The following SLC35F1 variants were observed in gnomAD, a reference collection of about 807,000 sequenced individuals.
SLC35F1 encodes the protein solute carrier family 35 member F1, also known as chromosome 6 open reading frame 169.
SLC35F1 carries 14 observed loss-of-function variants against 48.7 expected under a neutral mutation model. The observed-to-expected ratio is 0.29, with a 90% CI of 0.19 to 0.45. The LOEUF is 0.45. Among genes scored for constraint, SLC35F1 ranks in the 20% least tolerant of loss-of-function variants. The pLI, the probability that SLC35F1 is intolerant of heterozygous loss-of-function variation, is 1.00. For missense variants in SLC35F1, 404 were observed against 500.0 expected (o/e 0.81, Z 1.83); for synonymous variants, 190 against 202.2 (o/e 0.94, Z 0.51).
intron 1 of SLC35F1, among the ~76,000 whole-genome samples, chr6:117,980,311 G>A (rs1776760453): frequency 6.6e-6 from 1 of 152,078 alleles, no homozygotes; most frequent in Non-Finnish European, 1.5e-5. Flanking sequence ...GTAAGGGGTG[G>A]CAGGAGGTAC....
chr6:118,245,001 G>A (rs1177242372), intron 3 of SLC35F1, among the ~76,000 whole-genome samples: 1 of 152,098 alleles, frequency 6.6e-6, no homozygotes, highest in Non-Finnish European at 1.5e-5. Context: ...ACACAGGTAT[G>A]GAACACTAAA....
At chr6:118,030,409 C>A (rs1490561491) in intron 1 of SLC35F1, among the ~76,000 whole-genome samples, 1 of 152,192 alleles carries the variant, frequency 6.6e-6, no homozygotes, top group East Asian at 1.9e-4. Context: ...TGGCCAATCA[C>A]TCATAGACAC....
intron 7 of SLC35F1, among the ~76,000 whole-genome samples, chr6:118,291,962 A>G (rs1342316235): frequency 6.6e-6 from 1 of 152,058 alleles, no homozygotes; most frequent in Non-Finnish European, 1.5e-5. Flanking sequence ...TACTAAAAAT[A>G]CAAAAATTAG....
At chr6:118,271,502 C>G (rs1220636061) in intron 4 of SLC35F1, among the ~76,000 whole-genome samples, 1 of 152,074 alleles carries the variant, frequency 6.6e-6, no homozygotes, top group Non-Finnish European at 1.5e-5. Context: ...GTTGGTTCCC[C>G]CTATTTGAGA....
At chr6:117,955,365 A>G (rs988241448) in intron 1 of SLC35F1, among the ~76,000 whole-genome samples, 6 of 152,216 alleles carry the variant, frequency 3.9e-5, no homozygotes, top group African/African-American at 1.4e-4. Context: ...CTATTGTTCA[A>G]TGCGTGGTCT....
chr6:118,246,181 A>C (rs2114597463), intron 3 of SLC35F1, among the ~76,000 whole-genome samples: 1 of 152,258 alleles, frequency 6.6e-6, no homozygotes, highest in Middle Eastern at 3.4e-3. Context: ...GGAGAATTTC[A>C]GAATTTAGAA....
At chr6:118,068,681 A>G (rs1462094182) in intron 1 of SLC35F1, among the ~76,000 whole-genome samples, 2 of 152,198 alleles carry the variant, frequency 1.3e-5, no homozygotes, top group African/African-American at 2.4e-5. Flanking sequence ...AGAGACAACC[A>G]TAACCAAAGG....
At chr6:118,147,232 G>A (rs924676103) in intron 1 of SLC35F1, among the ~76,000 whole-genome samples, 1 of 152,172 alleles carries the variant, frequency 6.6e-6, no homozygotes, top group Admixed American at 6.5e-5. Context: ...GTCAGGTGCA[G>A]TAATTCCCCT....
At chr6:118,242,795 C>G (rs1450775331) in intron 3 of SLC35F1, among the ~76,000 whole-genome samples, 1 of 152,162 alleles carries the variant, frequency 6.6e-6, no homozygotes, top group Non-Finnish European at 1.5e-5. Context: ...GAAAGTGTAT[C>G]TCTTCAAACA....
intron 1 of SLC35F1, among the ~76,000 whole-genome samples, chr6:117,952,719 C>T (rs909279458): frequency 2.0e-5 from 3 of 152,222 alleles, no homozygotes; most frequent in South Asian, 4.1e-4. Flanking sequence ...AAAAACTTTA[C>T]CAAGAGAGGA....
intron 1 of SLC35F1, among the ~76,000 whole-genome samples, chr6:118,144,014 C>T (rs1773932546): frequency 6.6e-6 from 1 of 152,254 alleles, no homozygotes; most frequent in Middle Eastern, 3.4e-3. Context: ...TTAGTTCAAC[C>T]ATTGTGGAAG....
chr6:118,046,446 C>T lies in SLC35F1; in HGVS notation c.174-107999C>T, dbSNP rs567291219. On this transcript the variant is annotated intron_variant, in intron 1 of 7. Transcript: ENST00000360388. ...GATTCATAATGTTGATACTTATTAC[C>T]GAGTGCTCTTGCAAAGAGAAGCATG... 2.1e-4 allele frequency among the ~76,000 whole-genome samples: 32 copies of T among 152,166 alleles called. 2 individuals are homozygous for T. The South Asian group carries it at 5.8e-3, about 28-fold the overall frequency.
In SLC35F1 at chr6:118,267,030, G is replaced by A; in HGVS notation, c.513G>A (p.Leu171=). The A allele has an allele frequency of 6.2e-7, 1 of 1,613,862 alleles. No individual in the cohort carries two copies. Among genetic ancestry groups the A allele is most frequent in the Non-Finnish European group, 8.5e-7 (1 of 1,179,860 alleles). ...GTTTTGTGATCCCAGTCGTGATTTT[G>A]CTCTCCTGGTTCTTCCTGCTGATCC... The part of the protein sequence containing the change: ...LDCFVIPVVI[L]LSWFFLLIRY... The change falls in exon 4 of 8, where the codon TTG becomes TTA. Residue 171 remains leucine (L), a synonymous_variant. Transcript: ENST00000360388.
intron 1 of SLC35F1, among the ~76,000 whole-genome samples, chr6:118,000,261 G>C (rs1308587878): frequency 6.6e-6 from 1 of 152,116 alleles, no homozygotes; most frequent in East Asian, 1.9e-4. Context: ...ATGATCAAGG[G>C]GGCTTCATCC....
chr6:117,908,109 T>G (rs1424498756), intron 1 of SLC35F1, among the ~76,000 whole-genome samples: 1 of 152,210 alleles, frequency 6.6e-6, no homozygotes, highest in Non-Finnish European at 1.5e-5. Context: ...GTGGTGGAGC[T>G]GCAGCTGGTC....
intron 2 of SLC35F1, among the ~76,000 whole-genome samples, chr6:118,161,267 A>T (rs1582703016): frequency 6.6e-6 from 1 of 151,528 alleles, no homozygotes; most frequent in East Asian, 2.0e-4. Context: ...CCCTACTTTC[A>T]TTGCAGTTTT....
intron 1 of SLC35F1, among the ~76,000 whole-genome samples, chr6:118,106,000 A>G (rs375594996): frequency 1.8e-4 from 28 of 152,266 alleles, no homozygotes; most frequent in Middle Eastern, 3.4e-3. Context: ...AGTGTTGCCA[A>G]TCTTCTCAAA....
At chr6:118,125,010 T>C (rs1773603577) in intron 1 of SLC35F1, among the ~76,000 whole-genome samples, 1 of 152,134 alleles carries the variant, frequency 6.6e-6, no homozygotes, top group South Asian at 2.1e-4. Context: ...TGGAAGGATA[T>C]CCTGCAGCTC....
chr6:118,209,878 C>A (rs1774980997), intron 2 of SLC35F1, among the ~76,000 whole-genome samples: 1 of 152,108 alleles, frequency 6.6e-6, no homozygotes, highest in Non-Finnish European at 1.5e-5. Flanking sequence ...TCCAATATTT[C>A]TCTTAATTCT....
Sources: allele counts gnomAD v4.1 joint callset (sites outside exome capture counted in the v4.1 genomes callset), GRCh38; gene constraint gnomAD v4.1.1; transcripts MANE v1.5; gene names NCBI Gene and HGNC (gene_info 2026-07-23, HGNC 2026-07-21).